Variants in ZBED3 observed in about 807,000 individuals in gnomAD.
The protein encoded by ZBED3 is zinc finger BED-type containing 3.
For synonymous variants in ZBED3, 175 were observed against 180.0 expected (o/e 0.97, Z 0.22); for missense variants, 388 against 362.9 (o/e 1.07, Z -0.56).
chr5:77,086,264 A>T (rs914095223), intron 1 of ZBED3, among the ~76,000 whole-genome samples: 3 of 152,050 alleles, frequency 2.0e-5, no homozygotes, highest in African/African-American at 7.2e-5. Context: ...TTTTAATTTA[A>T]TTTTTAAATT....
At chr5:77,086,309 T>C (rs1743237524) in intron 1 of ZBED3, among the ~76,000 whole-genome samples, 1 of 152,208 alleles carries the variant, frequency 6.6e-6, no homozygotes, top group South Asian at 2.1e-4. Context: ...GGTCTTTTTA[T>C]AATACGTATT....
intron 1 of ZBED3, chr5:77,080,545 A>C (rs891908857): frequency 1.9e-6 from 1 of 519,102 alleles, no homozygotes; most frequent in Non-Finnish European, 3.8e-6. Flanking sequence ...GCACGGGGCA[A>C]AACTGCCTCA....
intron 2 of ZBED3, 49 bp downstream of exon 2, chr5:77,078,545 T>C (rs1009057929): frequency 2.6e-5 from 4 of 152,372 alleles, no homozygotes; most frequent in East Asian, 1.9e-4. Flanking sequence ...TTTTAAGATA[T>C]GCACATTTAG....
Position 77,082,964 on chromosome 5 carries a change from C to T in ZBED3, c.-153+4147G>A, listed in dbSNP as rs188618458. On this transcript the variant is annotated intron_variant, in intron 1 of 2. Coordinates refer to ENST00000255198, the MANE Select transcript of ZBED3 (RefSeq NM_032367.4). ...CAGCCTGGCCAACATGGTGAAACCC[C>T]GTCTCTACTAAAAATACAAAAAATT... 1.7e-3 allele frequency among the ~76,000 whole-genome samples: 266 copies of T among 152,108 alleles called. 6 individuals are homozygous for T. In the East Asian group the frequency reaches 0.045, roughly 26 times the overall value.
chr5:77,082,144 A>C (rs1743140072), intron 1 of ZBED3, among the ~76,000 whole-genome samples: 2 of 151,916 alleles, frequency 1.3e-5, no homozygotes, highest in East Asian at 3.9e-4. Context: ...GCGGGTGCCT[A>C]TAATCCCAGC....
At position 77,081,994 on chromosome 5, in the gene ZBED3, C is replaced by T. The variant is rs541163123; in HGVS notation, c.-152-3266G>A. On this transcript the variant is annotated intron_variant, in intron 1 of 2. Coordinates refer to ENST00000255198, the MANE Select transcript of ZBED3 (RefSeq NM_032367.4). ...ATTAATTAAAAATAGAGGCTGGGCTCGGTGGCTCACGCCTGTAATCCCAAC... is the reference window on the plus strand; with the variant it reads ...ATTAATTAAAAATAGAGGCTGGGCTTGGTGGCTCACGCCTGTAATCCCAAC... Among the ~76,000 whole-genome samples the T allele has an allele frequency of 1.8e-4, 27 of 152,114 alleles. No homozygotes were observed. The South Asian group carries it at 1.9e-3, about 11-fold the overall frequency.
chr5:77,080,479 G>A (rs775250417), intron 1 of ZBED3: 4 of 515,854 alleles, frequency 7.8e-6, no homozygotes, highest in Non-Finnish European at 1.5e-5. Flanking sequence ...GTGGCAAGGG[G>A]ACATCCTCTG....
Position 77,077,612 on chromosome 5 carries a change from C to A in ZBED3, c.267G>T (p.Leu89Phe). Reference sequence around the variant, plus strand: ...GGTGCGCGCTCCTCAGGTGCCTCCACAACGCCGAGGTCCCCGCGTGGAAGC... The same window carrying A: ...GGTGCGCGCTCCTCAGGTGCCTCCAAAACGCCGAGGTCCCCGCGTGGAAGC... Reference protein sequence around the residue: ...GPGFHAGTSALWRHLRSAHRR... With the variant: ...GPGFHAGTSAFWRHLRSAHRR... The change falls in exon 3 of 3, where the codon TTG becomes TTT. Residue 89 changes from leucine (L) to phenylalanine (F), a missense_variant. Leu to Phe is a conservative substitution (Grantham distance 22, BLOSUM62 0). Coordinates refer to ENST00000255198, the MANE Select transcript of ZBED3 (RefSeq NM_032367.4). 3 of 1,405,946 alleles carry A rather than the reference C, an allele frequency of 2.1e-6. No individual in the cohort carries two copies. Among genetic ancestry groups the A allele is most frequent in the South Asian group, 3.0e-5 (2 of 67,444 alleles). The allele number at this position is 1,405,946 out of a possible 1,614,324, so 87.1% of individuals were successfully genotyped here.
chr5:77,083,231 G>A (rs1743167342), intron 1 of ZBED3, among the ~76,000 whole-genome samples: 1 of 152,212 alleles, frequency 6.6e-6, no homozygotes. Flanking sequence ...TAACTGTGGA[G>A]GCTGGTGGGA....
At chr5:77,081,711 A>G (rs868086) in intron 1 of ZBED3, among the ~76,000 whole-genome samples, 18,134 of 152,104 alleles carry the variant, frequency 0.12, 1,170 homozygotes, top group East Asian at 0.28. Context: ...AGATCCCTCA[A>G]TTTTTCCTTG....
chr5:77,082,919 T>C (rs964645269), intron 1 of ZBED3, among the ~76,000 whole-genome samples: 5 of 152,300 alleles, frequency 3.3e-5, no homozygotes, highest in Middle Eastern at 3.4e-3. Context: ...GTAGATCACC[T>C]GAGGTCAGGA....
In ZBED3 at chr5:77,074,724, G is replaced by A. The variant is rs1742940881; in HGVS notation, c.*2450C>T. ...ACAGGTGTCAGCTGGGTCGACTGAA[G>A]GAAGCAGAGATCTCAGGAAGCAGTA... On this transcript the variant is annotated 3_prime_UTR_variant, in exon 3 of 3. Coordinates refer to ENST00000255198, the MANE Select transcript of ZBED3 (RefSeq NM_032367.4). 6.6e-6 allele frequency: 1 copy of A among 152,224 alleles called. No individual in the cohort carries two copies. The highest frequency in any genetic ancestry group is 1.9e-4 in the East Asian group (1 of 5,190). The allele number at this position is 152,224 out of a possible 1,614,324, so 9.4% of individuals were successfully genotyped here. A position where few individuals can be genotyped will look rare whatever the true frequency, so the allele number is the denominator to read the frequency against.
chr5:77,084,979 A>AT (rs1174606824), intron 1 of ZBED3, among the ~76,000 whole-genome samples: 1 of 152,256 alleles, frequency 6.6e-6, no homozygotes, highest in East Asian at 1.9e-4. Flanking sequence ...ACAAATGTAG[A>AT]TTTTAGATAT....
Position 77,076,023 on chromosome 5 carries a change from A to G in ZBED3, c.*1151T>C, listed in dbSNP as rs11741600. On this transcript the variant is annotated 3_prime_UTR_variant, in exon 3 of 3. Coordinates refer to ENST00000255198, the MANE Select transcript of ZBED3 (RefSeq NM_032367.4). ...TATGTATATATATATGTATATATGT[A>G]TATATATATGTATATATGTATATAT... The G allele has an allele frequency of 1.6e-4, 12 of 75,242 alleles. 3 individuals are homozygous for G. The highest frequency in any genetic ancestry group is 1.4e-3 in the East Asian group (5 of 3,622). 4.7% of individuals were successfully genotyped at this position (75,242 alleles called of 1,614,324 possible).
rs1742950976 is a variant in ZBED3, at chr5:77,075,139, C to T, written c.*2035G>A. 6.6e-6 allele frequency: 1 copy of T among 152,120 alleles called. No homozygotes were observed. The highest frequency in any genetic ancestry group is 2.4e-5 in the African/African-American group (1 of 41,402). 9.4% of individuals were successfully genotyped at this position (152,120 alleles called of 1,614,324 possible). A position where few individuals can be genotyped will look rare whatever the true frequency, so the allele number is the denominator to read the frequency against. On this transcript the variant is annotated 3_prime_UTR_variant, in exon 3 of 3. Transcript: ENST00000255198. ...ACTCGGCCTGGAGATATTCAGGAGT[C>T]CCTGGCCCAGAGGAGATTACAACTC...
At chr5:77,083,839 T>C (rs781465289) in intron 1 of ZBED3, among the ~76,000 whole-genome samples, 2 of 152,144 alleles carry the variant, frequency 1.3e-5, no homozygotes, top group Non-Finnish European at 2.9e-5. Context: ...TCATGCAAAA[T>C]AGGTTATTTA....
chr5:77,081,508 C>T (rs562775886), intron 1 of ZBED3, among the ~76,000 whole-genome samples: 6 of 151,940 alleles, frequency 3.9e-5, no homozygotes, highest in African/African-American at 9.7e-5. Context: ...TGCCACCATG[C>T]TTGGCTAATT....
Position 77,077,351 on chromosome 5 carries a change from G to T in ZBED3, c.528C>A (p.Arg176=). 8.0e-7 allele frequency: 1 copy of T among 1,252,434 alleles called. No homozygotes were observed. Among genetic ancestry groups the T allele is most frequent in the South Asian group, 3.0e-5 (1 of 32,976 alleles). The allele number at this position is 1,252,434 out of a possible 1,614,324, so 77.6% of individuals were successfully genotyped here. ...RRRRALQEEE[R]AAAQARRELQ... Reference sequence around the variant, plus strand: ...GTTCCCGGCGCGCCTGGGCCGCGGCGCGCTCTTCCTCCTGCAGCGCCCTCC... The same window carrying T: ...GTTCCCGGCGCGCCTGGGCCGCGGCTCGCTCTTCCTCCTGCAGCGCCCTCC... The change falls in exon 3 of 3, where the codon CGC becomes CGA. Residue 176 remains arginine (R), a synonymous_variant. Transcript: ENST00000255198.
chr5:77,077,858 G>T lies in ZBED3; in HGVS notation c.21C>A (p.Ala7=). ...GCCCGCGGGCCTGGTCCATGGTGCA[G>T]GCCGGCTCGCCACTCCTCATTCTGC... is the stretch of plus-strand genomic sequence containing the variant. MRSGEP[A]CTMDQARGLD... is the part of the protein sequence containing the mutation. Residue 7 remains alanine (A), a synonymous_variant, in exon 3 of 3, where the codon GCC becomes GCA. Transcript: ENST00000255198. 7.9e-7 allele frequency: 1 copy of T among 1,265,972 alleles called. No individual in the cohort carries two copies. The allele number at this position is 1,265,972 out of a possible 1,614,324, so 78.4% of individuals were successfully genotyped here.
Sources: allele counts gnomAD v4.1 joint callset (sites outside exome capture counted in the v4.1 genomes callset), GRCh38; gene constraint gnomAD v4.1.1; transcripts MANE v1.5; gene names NCBI Gene and HGNC (gene_info 2026-07-23, HGNC 2026-07-21).